Variants in STPG4 observed in about 807,000 individuals in gnomAD.
STPG4 encodes the protein protein STPG4.
In STPG4, 41 loss-of-function variants were observed where a neutral mutation model predicts 31.5. The observed-to-expected ratio is 1.30, with a 90% confidence interval of 1.01 to 1.69. The LOEUF is 1.69. STPG4 is among the 40% of genes most tolerant of loss of function. STPG4 has a pLI of 0.00. For synonymous variants in STPG4, 141 were observed against 103.0 expected, an observed-to-expected ratio of 1.37 and a Z score of -2.24; for missense variants, 375 against 293.4, an observed-to-expected ratio of 1.28 and a Z score of -2.03.
At chr2:47,090,461 G>C in intron 5 of STPG4, 87 bp from the exon 6 acceptor site, 3 of 838,890 alleles carry the variant, frequency 3.6e-6, no homozygotes. Context: ...ATAAACATAT[G>C]AATCACTGTG....
chr2:47,137,424 T>C (rs1558685681), intron 3 of STPG4, among the ~76,000 whole-genome samples: 2 of 152,204 alleles, frequency 1.3e-5, no homozygotes, highest in Non-Finnish European at 2.9e-5. Context: ...ATGAGACATA[T>C]TGGTCTGTAG....
intron 3 of STPG4, among the ~76,000 whole-genome samples, chr2:47,148,890 T>C (rs925997951): frequency 2.6e-5 from 4 of 152,212 alleles, no homozygotes; most frequent in Non-Finnish European, 5.9e-5. Context: ...ATAGTATTCC[T>C]GAAAACTTTA....
At chr2:47,107,604 A>C (rs1054256052) in intron 5 of STPG4, among the ~76,000 whole-genome samples, 1 of 152,066 alleles carries the variant, frequency 6.6e-6, no homozygotes, top group Non-Finnish European at 1.5e-5. Flanking sequence ...CTCCCTGATG[A>C]GTGCCGCCCC....
chr2:47,117,760 G>C (rs1284662583), intron 5 of STPG4, among the ~76,000 whole-genome samples: 1 of 152,138 alleles, frequency 6.6e-6, no homozygotes, highest in Non-Finnish European at 1.5e-5. Flanking sequence ...TTGGCATAGG[G>C]TGTCACACAC....
At chr2:47,107,455 C>A (rs2103749019) in intron 5 of STPG4, among the ~76,000 whole-genome samples, 1 of 152,294 alleles carries the variant, frequency 6.6e-6, no homozygotes, top group Admixed American at 6.5e-5. Context: ...ACTGGGTCCC[C>A]CAGCAGTGCC....
At chr2:47,096,052 G>C (rs550911401) in intron 5 of STPG4, among the ~76,000 whole-genome samples, 2 of 152,294 alleles carry the variant, frequency 1.3e-5, no homozygotes, top group African/African-American at 4.8e-5. Context: ...GTATACAAGA[G>C]AGAAATCAAT....
intron 5 of STPG4, among the ~76,000 whole-genome samples, chr2:47,098,612 G>C (rs1018270362): frequency 1.3e-5 from 2 of 151,892 alleles, no homozygotes; most frequent in African/African-American, 2.4e-5. Context: ...AAAGAGAAAG[G>C]GTCAGAAAAA....
In STPG4 at chr2:47,099,630, G is replaced by A. The variant is rs180853348; in HGVS notation, c.520-9256C>T. On this transcript the variant is annotated intron_variant, in intron 5 of 6. Transcript: ENST00000445927. ...CCTCTGCCTGGGCTCCCACTTTGGC[G>A]GCACTTGAGGAGCCCTTCAGCCCAC... is the stretch of plus-strand genomic sequence containing the variant. 6.6e-3 allele frequency among the ~76,000 whole-genome samples: 1,008 copies of A among 152,386 alleles called. 6 individuals are homozygous for A. Among genetic ancestry groups the A allele is most frequent in the Admixed American group, 0.014 (221 of 15,310 alleles).
chr2:47,122,342 T>C (rs1183857470), intron 5 of STPG4, among the ~76,000 whole-genome samples: 1 of 152,198 alleles, frequency 6.6e-6, no homozygotes, highest in African/African-American at 2.4e-5. Flanking sequence ...TTTAATGTTA[T>C]ATAATCAAAT....
intron 3 of STPG4, among the ~76,000 whole-genome samples, chr2:47,137,638 T>C (rs1686622008): frequency 6.6e-6 from 1 of 152,242 alleles, no homozygotes; most frequent in South Asian, 2.1e-4. Flanking sequence ...AAAGTTATAA[T>C]CACTGATTCA....
At chr2:47,148,442 A>C (rs1226308111) in intron 3 of STPG4, among the ~76,000 whole-genome samples, 1 of 152,174 alleles carries the variant, frequency 6.6e-6, no homozygotes, top group Non-Finnish European at 1.5e-5. Context: ...GTTGAAAAAA[A>C]AATAGAAAGT....
Position 47,155,252 on chromosome 2 carries a change from G to A in STPG4, c.-1C>T, listed in dbSNP as rs752460911. 2 of 1,614,082 alleles carry A rather than the reference G, an allele frequency of 1.2e-6. No homozygotes were observed. Among genetic ancestry groups the A allele is most frequent in the Non-Finnish European group, 1.7e-6 (2 of 1,179,970 alleles). ...CGGTGGCGACGGCTGGCTGGTCCAT[G>A]GTGGCCTCCTCTCTCTCTAGGCTGA... On this transcript the variant is annotated 5_prime_UTR_variant, in exon 1 of 7. Coordinates refer to ENST00000445927, the MANE Select transcript of STPG4 (RefSeq NM_001163561.2).
rs192563513 is a variant in STPG4 at position 47,094,579 on chromosome 2, T to A, written c.520-4205A>T. Among the ~76,000 whole-genome samples, 883 of 152,210 alleles carry A rather than the reference T, an allele frequency of 5.8e-3. 3 individuals carry two copies. Among genetic ancestry groups the A allele is most frequent in the Non-Finnish European group, 6.7e-3 (454 of 68,012 alleles). The stretch of plus-strand genomic sequence containing the variant: ...GGAGTTTGGAGTCCAGTGAGGGATA[T>A]AGGCAGAACCAAACAGAAACACCAC... On this transcript the variant is annotated intron_variant, in intron 5 of 6. Coordinates refer to ENST00000445927, the MANE Select transcript of STPG4 (RefSeq NM_001163561.2).
intron 5 of STPG4, among the ~76,000 whole-genome samples, chr2:47,106,865 C>A (rs1245232542): frequency 1.3e-5 from 2 of 151,884 alleles, no homozygotes; most frequent in Non-Finnish European, 2.9e-5. Flanking sequence ...AGAATCGAGG[C>A]CATCAAGCTA....
At chr2:47,106,332 G>C (rs1043342818) in intron 5 of STPG4, among the ~76,000 whole-genome samples, 4 of 151,786 alleles carry the variant, frequency 2.6e-5, no homozygotes, top group African/African-American at 4.9e-5. Flanking sequence ...CAGGAAATCA[G>C]ACCTTATCAG....
chr2:47,115,814 G>C (rs977832899), intron 5 of STPG4, among the ~76,000 whole-genome samples: 7 of 151,984 alleles, frequency 4.6e-5, no homozygotes, highest in Admixed American at 4.6e-4. Flanking sequence ...TGCCATGCAC[G>C]ACTAATTTTT....
chr2:47,104,754 C>T (rs1388273933), intron 5 of STPG4, among the ~76,000 whole-genome samples: 1 of 151,934 alleles, frequency 6.6e-6, no homozygotes, highest in Non-Finnish European at 1.5e-5. Flanking sequence ...AAGCCTCATG[C>T]CAGCAGGCTA....
chr2:47,133,570 C>CTT (rs10682288), intron 3 of STPG4, among the ~76,000 whole-genome samples: 1,703 of 66,874 alleles, frequency 0.025, 262 homozygotes, highest in African/African-American at 0.059. Flanking sequence ...GCACTCAAAT[C>CTT]TTTTTTTTTT....
At chr2:47,123,038 T>C (rs1258016037) in intron 5 of STPG4, among the ~76,000 whole-genome samples, 1 of 152,064 alleles carries the variant, frequency 6.6e-6, no homozygotes, top group East Asian at 1.9e-4. Flanking sequence ...GTTGGCCAGG[T>C]TGGTCTCAAA....
Sources: allele counts gnomAD v4.1 joint callset (sites outside exome capture counted in the v4.1 genomes callset), GRCh38; gene constraint gnomAD v4.1.1; transcripts MANE v1.5; gene names NCBI Gene and HGNC (gene_info 2026-07-23, HGNC 2026-07-21).